The following GNS variants were observed in gnomAD, a reference collection of about 807,000 sequenced individuals.
GNS encodes the protein N-acetylglucosamine-6-sulfatase.
In GNS, 40 loss-of-function variants were observed where a neutral mutation model predicts 69.7. That is an observed-to-expected ratio of 0.57 (90% CI 0.45 to 0.75). GNS has a LOEUF of 0.75. Ranked by LOEUF, GNS falls within the 30% of genes least tolerant of loss-of-function variation. GNS has a pLI of 0.00. For missense variants in GNS, 565 were observed against 685.5 expected (o/e 0.82, Z 1.96); for synonymous variants, 243 against 251.6 (o/e 0.97, Z 0.32).
At position 64,722,770 on chromosome 12, in the gene GNS, G is replaced by C. The variant is rs1869073595; in HGVS notation, c.1308+236C>G. On this transcript the variant is annotated intron_variant, in intron 11 of 13. Coordinates refer to ENST00000258145, the MANE Select transcript of GNS (RefSeq NM_002076.4). ...AAGAGGAATTGATAAGAACACGGGTGGATACATGCACTTGCTACATAAATT... is the reference window on the plus strand; with the variant it reads ...AAGAGGAATTGATAAGAACACGGGTCGATACATGCACTTGCTACATAAATT... 5.9e-6 allele frequency: 3 copies of C among 506,434 alleles called. No individual in the cohort carries two copies. In the Admixed American group the frequency reaches 9.5e-5, roughly 16 times the overall value. 31.4% of individuals were successfully genotyped at this position (506,434 alleles called of 1,614,324 possible). A position where few individuals can be genotyped will look rare whatever the true frequency, so the allele number is the denominator to read the frequency against.
chr12:64,740,265 C>T (rs985886055), intron 7 of GNS, among the ~76,000 whole-genome samples: 1 of 152,196 alleles, frequency 6.6e-6, no homozygotes, highest in Admixed American at 6.5e-5. Flanking sequence ...CTTGTCTAAG[C>T]TTTTGGGTCA....
At chr12:64,744,958 G>C (rs187443213) in intron 4 of GNS, 51 bp from the exon 5 acceptor site, 1 of 831,064 alleles carries the variant, frequency 1.2e-6, no homozygotes, top group Admixed American at 1.7e-5. Context: ...GCACAAAGTG[G>C]AAGTCTGAAT....
At chr12:64,721,987 T>C (rs1869043299) in intron 11 of GNS, among the ~76,000 whole-genome samples, 1 of 151,704 alleles carries the variant, frequency 6.6e-6, no homozygotes, top group Non-Finnish European at 1.5e-5. Flanking sequence ...GTAAAATGTA[T>C]GGGTTGGCAA....
chr12:64,717,496 C>T (rs915530779), intron 13 of GNS, among the ~76,000 whole-genome samples: 1 of 149,860 alleles, frequency 6.7e-6, no homozygotes, highest in East Asian at 2.0e-4. Context: ...GGAACACTGG[C>T]GTGCGCCACC....
chr12:64,757,818 T>C (rs192400800), intron 1 of GNS, among the ~76,000 whole-genome samples: 1 of 152,174 alleles, frequency 6.6e-6, no homozygotes, highest in Non-Finnish European at 1.5e-5. Flanking sequence ...CACTCAAGGG[T>C]TGGGACCAGA....
chr12:64,741,493 C>T (rs1869735297), intron 6 of GNS, among the ~76,000 whole-genome samples: 1 of 151,992 alleles, frequency 6.6e-6, no homozygotes, highest in Non-Finnish European at 1.5e-5. Context: ...ATCATGTTCG[C>T]CAGGCTGGTC....
At chr12:64,725,018 ATCAGTGGT>A (rs1456047955) in intron 10 of GNS, among the ~76,000 whole-genome samples, 1 of 152,182 alleles carries the variant, frequency 6.6e-6, no homozygotes, top group Non-Finnish European at 1.5e-5. Flanking sequence ...AGAAGTCTAG[ATCAGTGGT>A]TCCTGAACTT....
intron 3 of GNS, 150 bp downstream of exon 3, chr12:64,747,562 A>G: frequency 1.6e-6 from 1 of 631,212 alleles, no homozygotes; most frequent in South Asian, 1.9e-5. Flanking sequence ...ACATATTTAC[A>G]TGATATGGGT....
intron 3 of GNS, among the ~76,000 whole-genome samples, chr12:64,747,313 C>T (rs556469786): frequency 1.5e-4 from 23 of 152,218 alleles, no homozygotes; most frequent in East Asian, 7.7e-4. Flanking sequence ...GATTCTAAGA[C>T]GAAAAATATC....
At chr12:64,755,013 T>C (rs1870203904) in intron 1 of GNS, among the ~76,000 whole-genome samples, 1 of 152,128 alleles carries the variant, frequency 6.6e-6, no homozygotes, top group Non-Finnish European at 1.5e-5. Flanking sequence ...CTACTCAAAA[T>C]GTGTCATGTG....
Position 64,714,140 on chromosome 12 carries a change from T to C in GNS, c.*2601A>G, listed in dbSNP as rs1355937903. On this transcript the variant is annotated 3_prime_UTR_variant, in exon 14 of 14. Coordinates refer to ENST00000258145, the MANE Select transcript of GNS (RefSeq NM_002076.4). ...GCGAGACTTCATCTCAAAAAAAAAGTGTTTGCAACAGCACCATTTGTCAAA... is the reference window on the plus strand; with the variant it reads ...GCGAGACTTCATCTCAAAAAAAAAGCGTTTGCAACAGCACCATTTGTCAAA... 6.6e-6 allele frequency: 1 copy of C among 151,988 alleles called. No individual in the cohort carries two copies. Among genetic ancestry groups the C allele is most frequent in the African/African-American group, 2.4e-5 (1 of 41,272 alleles). The allele number at this position is 151,988 out of a possible 1,614,324, so 9.4% of individuals were successfully genotyped here.
At position 64,759,318 on chromosome 12, in the gene GNS, G is replaced by C. The variant is rs1870397505; in HGVS notation, c.-42C>G. 1 of 1,357,590 alleles carries C rather than the reference G, an allele frequency of 7.4e-7. No individual in the cohort carries two copies. Among genetic ancestry groups the C allele is most frequent in the Non-Finnish European group, 9.8e-7 (1 of 1,019,674 alleles). 84.1% of individuals were successfully genotyped at this position (1,357,590 alleles called of 1,614,324 possible). On this transcript the variant is annotated 5_prime_UTR_variant, in exon 1 of 14. Transcript: ENST00000258145. The stretch of plus-strand genomic sequence containing the variant: ...GGTGACCCCGGGACGGGACGGGACG[G>C]AGGGACGCACAGGTAGCTGAAGGGC...
At chr12:64,745,204 C>CTTTTT (rs141453545) in intron 4 of GNS, among the ~76,000 whole-genome samples, 1 of 42,298 alleles carries the variant, frequency 2.4e-5, no homozygotes, top group Non-Finnish European at 4.1e-5. Flanking sequence ...AGTCAATAGA[C>CTTTTT]TTTTTTTTTT....
rs1215111485 is a variant in GNS at position 64,732,312 on chromosome 12, C to T, written c.1099-3255G>A. Among the ~76,000 whole-genome samples, 15 of 151,310 alleles carry T rather than the reference C, an allele frequency of 9.9e-5. 1 individual carries two copies. The highest frequency in any genetic ancestry group is 4.2e-4 in the South Asian group (2 of 4,752). On this transcript the variant is annotated intron_variant, in intron 9 of 13. Transcript: ENST00000258145. ...CCTCCCAAGTAGCTGGGACTACAGG[C>T]GCCTGCCACCACGCCCAGCTACTTT... is the stretch of plus-strand genomic sequence containing the variant.
At position 64,744,811 on chromosome 12, in the gene GNS, A is replaced by T; in HGVS notation, c.622T>A (p.Leu208Met). ...NYSVDYLTDV[L>M]ANVSLDFLDY... ...GCTACAAAGCTTCTGCAACTCACCA[A>T]AACATCTGTCAGGTAGTCCACACTA... The change falls in exon 5 of 14, where the codon TTG (leucine) becomes ATG (methionine). Residue 208 changes from leucine (L) to methionine (M), a missense_variant and splice_region_variant. Leu to Met is a conservative substitution (Grantham distance 15). This residue lies in a region of GNS where 384 missense variants were observed against 511.0 expected (regional missense o/e 0.75). Coordinates refer to ENST00000258145, the MANE Select transcript of GNS (RefSeq NM_002076.4). The T allele has an allele frequency of 6.8e-7, 1 of 1,465,762 alleles. No individual in the cohort carries two copies. The highest frequency in any genetic ancestry group is 9.6e-7 in the Non-Finnish European group (1 of 1,044,398). The allele number at this position is 1,465,762 out of a possible 1,614,324, so 90.8% of individuals were successfully genotyped here.
At position 64,745,709 on chromosome 12, in the gene GNS, C is replaced by T; in HGVS notation, c.475G>A (p.Ala159Thr). Residue 159 changes from alanine to threonine, a missense_variant, in exon 4 of 14, where the codon GCA becomes ACA. Ala to Thr is a moderately conservative substitution (Grantham distance 58). Coordinates refer to ENST00000258145, the MANE Select transcript of GNS (RefSeq NM_002076.4). ...KYLNEYGAPD[A>T]GGLEHVPLGW... ...AGAGGAACGTGTTCTAGTCCACCTG[C>T]ATCTGGGGCTCCGTACTGAAAAGCA... The T allele has an allele frequency of 1.9e-6, 3 of 1,606,000 alleles. No homozygotes were observed. The highest frequency in any genetic ancestry group is 2.6e-6 in the Non-Finnish European group (3 of 1,172,552).
At chr12:64,740,383 A>G (rs1480595677) in intron 7 of GNS, among the ~76,000 whole-genome samples, 1 of 152,200 alleles carries the variant, frequency 6.6e-6, no homozygotes, top group Non-Finnish European at 1.5e-5. Flanking sequence ...GCCAAGTCCT[A>G]AAAATGGGCA....
At chr12:64,722,056 C>A (rs1473296183) in intron 11 of GNS, among the ~76,000 whole-genome samples, 3 of 150,430 alleles carry the variant, frequency 2.0e-5, no homozygotes, top group African/African-American at 7.3e-5. Flanking sequence ...TGGAGTTTTG[C>A]TCTTGTCGTG....
intron 10 of GNS, 150 bp from the exon 11 acceptor site, chr12:64,723,263 G>A (rs775269432): frequency 3.0e-6 from 2 of 670,286 alleles, no homozygotes; most frequent in Non-Finnish European, 5.5e-6. Flanking sequence ...AGGTACATAT[G>A]AAAGCTACTG....
Sources: gnomAD v4.1 joint callset for allele counts (sites outside exome capture counted in the v4.1 genomes callset) on GRCh38, gnomAD v4.1.1 for gene constraint, gnomAD v4.1.1 regional missense constraint, MANE v1.5 for transcripts, NCBI Gene and HGNC (gene_info 2026-07-23, HGNC 2026-07-21) for gene names.